The following MTUS2 variants were observed in gnomAD, a reference collection of about 807,000 sequenced individuals.
MTUS2 encodes the protein microtubule associated scaffold protein 2, also known as microtubule-associated tumor suppressor candidate 2.
Under a neutral mutation model 114.1 loss-of-function variants are expected in MTUS2, and 40 were observed. The ratio of observed to expected loss-of-function variants is 0.35; its 90% confidence interval spans 0.27 to 0.46. The LOEUF (loss-of-function observed/expected upper bound fraction) is 0.46. Among genes scored for constraint, MTUS2 ranks in the 20% least tolerant of loss-of-function variants. The probability of loss-of-function intolerance (pLI) is 1.00; values close to 1 mark genes in which losing one functional copy is unlikely to be tolerated. For missense variants in MTUS2, 1,679 were observed against 1,705.4 expected (o/e 0.98, Z 0.27); for synonymous variants, 688 against 672.0 (o/e 1.02, Z -0.37).
At chr13:29,464,002 GAAAA>G (rs1473803555) in intron 9 of MTUS2, among the ~76,000 whole-genome samples, 3 of 129,332 alleles carry the variant, frequency 2.3e-5, no homozygotes, top group African/African-American at 1.5e-4. Context: ...CAAAAGAAAA[GAAAA>G]GAAAAGAAAA....
At chr13:28,925,956 G>T (rs1259295124) in intron 2 of MTUS2, among the ~76,000 whole-genome samples, 1 of 152,184 alleles carries the variant, frequency 6.6e-6, no homozygotes, top group Non-Finnish European at 1.5e-5. Context: ...TATCACCAGG[G>T]TCTTGAATAC....
intron 4 of MTUS2, among the ~76,000 whole-genome samples, chr13:29,092,527 A>T (rs1031842824): frequency 1.3e-5 from 2 of 152,158 alleles, no homozygotes; most frequent in Admixed American, 6.5e-5. Flanking sequence ...CGATTGTCAG[A>T]GTAACCTTAT....
intron 7 of MTUS2, 95 bp downstream of exon 7, chr13:29,324,806 T>C: frequency 2.2e-6 from 2 of 915,116 alleles, no homozygotes; most frequent in Admixed American, 4.3e-5. Flanking sequence ...CCAACCCATG[T>C]GATTTACTCA....
At chr13:29,392,925 G>C (rs113560232) in intron 8 of MTUS2, among the ~76,000 whole-genome samples, 9 of 152,250 alleles carry the variant, frequency 5.9e-5, no homozygotes, top group East Asian at 1.9e-4. Flanking sequence ...TTAAAAAACC[G>C]ATAAGTGGCA....
rs1320064203 is a variant in MTUS2 at position 29,026,755 on chromosome 13, G to T, written c.2057G>T (p.Gly686Val). 1.9e-6 allele frequency: 3 copies of T among 1,613,822 alleles called. No individual in the cohort carries two copies. Among genetic ancestry groups the T allele is most frequent in the Non-Finnish European group, 2.5e-6 (3 of 1,179,898 alleles). Residue 686 changes from glycine to valine, a missense_variant, in exon 3 of 16, where the codon GGT becomes GTT. Coordinates refer to ENST00000612955, the MANE Select transcript of MTUS2 (RefSeq NM_001033602.4). ...MPLPHEEKAAGGDLKPSANLY... is the reference protein window; with the variant it reads ...MPLPHEEKAAVGDLKPSANLY... ...CTTCCCCACGAAGAGAAGGCAGCAGGTGGTGACCTGAAGCCATCTGCCAAC... is the reference window on the plus strand; with the variant it reads ...CTTCCCCACGAAGAGAAGGCAGCAGTTGGTGACCTGAAGCCATCTGCCAAC...
At chr13:29,498,313 G>A (rs1882680605) in intron 13 of MTUS2, 105 bp from the exon 14 acceptor site, 1 of 1,507,934 alleles carries the variant, frequency 6.6e-7, no homozygotes, top group South Asian at 1.3e-5. Context: ...TTGCCATCAG[G>A]GCGCTTGTCC....
intron 2 of MTUS2, among the ~76,000 whole-genome samples, chr13:28,843,608 A>G (rs1441886983): frequency 1.3e-5 from 2 of 152,334 alleles, no homozygotes; most frequent in African/African-American, 2.4e-5. Context: ...CACATGGGCA[A>G]TTCTCTTAAG....
chr13:28,966,219 C>T (rs1182445848), intron 2 of MTUS2, among the ~76,000 whole-genome samples: 1 of 152,168 alleles, frequency 6.6e-6, no homozygotes, highest in Non-Finnish European at 1.5e-5. Context: ...CCCTCTTTTG[C>T]ATTAGCACCA....
intron 5 of MTUS2, among the ~76,000 whole-genome samples, chr13:29,112,458 G>A (rs891216725): frequency 1.3e-5 from 2 of 152,156 alleles, no homozygotes; most frequent in African/African-American, 2.4e-5. Flanking sequence ...TTTGAAGTGA[G>A]TTTAACAAAA....
At chr13:29,373,831 A>G (rs1871372385) in intron 8 of MTUS2, among the ~76,000 whole-genome samples, 2 of 152,232 alleles carry the variant, frequency 1.3e-5, no homozygotes, top group South Asian at 4.1e-4. Context: ...ATTTAAAACT[A>G]TTTAGCATAC....
chr13:29,285,929 T>C (rs1251182337), intron 6 of MTUS2, among the ~76,000 whole-genome samples: 1 of 152,188 alleles, frequency 6.6e-6, no homozygotes, highest in African/African-American at 2.4e-5. Flanking sequence ...TAAGGAATTA[T>C]TGTTAATTTT....
At chr13:28,821,354 G>C (rs1873887638) in intron 1 of MTUS2, among the ~76,000 whole-genome samples, 1 of 152,140 alleles carries the variant, frequency 6.6e-6, no homozygotes. Flanking sequence ...AGTCTATTAG[G>C]AATTGGTGAG....
chr13:29,054,317 G>A (rs1246327269), intron 4 of MTUS2, among the ~76,000 whole-genome samples: 5 of 152,014 alleles, frequency 3.3e-5, no homozygotes, highest in Admixed American at 2.6e-4. Flanking sequence ...CTAAATACAA[G>A]TTTTTGTTTA....
chr13:29,366,594 G>A (rs1353158749), intron 8 of MTUS2, among the ~76,000 whole-genome samples: 2 of 152,064 alleles, frequency 1.3e-5, no homozygotes, highest in South Asian at 2.1e-4. Context: ...TGATCCCTGC[G>A]GCCCACTCTA....
chr13:29,407,106 C>T (rs1213864077), intron 8 of MTUS2, among the ~76,000 whole-genome samples: 3 of 152,070 alleles, frequency 2.0e-5, no homozygotes, highest in African/African-American at 4.8e-5. Flanking sequence ...ATTAGCCAGG[C>T]GTGGTGGTGG....
At chr13:29,268,545 C>T (rs1897755115) in intron 5 of MTUS2, among the ~76,000 whole-genome samples, 4 of 152,190 alleles carry the variant, frequency 2.6e-5, no homozygotes, top group Admixed American at 2.6e-4. Flanking sequence ...CTTTGCTGGC[C>T]CGAGCCCTGC....
chr13:29,389,333 ATATGTATGCACGTG>A (rs1383646873), intron 8 of MTUS2, among the ~76,000 whole-genome samples: 935 of 55,190 alleles, frequency 0.017, 63 homozygotes, highest in East Asian at 0.032. Flanking sequence ...ATGTGTGTAT[ATATGTATGCACGTG>A]TGTGTATATA....
chr13:28,920,854 C>CGAGAAGG (rs1410748741), intron 2 of MTUS2, among the ~76,000 whole-genome samples: 18 of 152,318 alleles, frequency 1.2e-4, no homozygotes, highest in African/African-American at 3.6e-4. Flanking sequence ...AAGGGAGTTT[C>CGAGAAGG]TCTCAGGCCA....
chr13:29,140,110 T>C (rs938669243), intron 5 of MTUS2, among the ~76,000 whole-genome samples: 2 of 152,226 alleles, frequency 1.3e-5, no homozygotes, highest in Admixed American at 1.3e-4. Context: ...TTTTAACTTT[T>C]CTTCATCAAC....
Sources: allele counts gnomAD v4.1 joint callset (sites outside exome capture counted in the v4.1 genomes callset), GRCh38; gene constraint gnomAD v4.1.1; transcripts MANE v1.5; gene names NCBI Gene and HGNC (gene_info 2026-07-23, HGNC 2026-07-21).